Variants in TTC28 observed in about 807,000 individuals in gnomAD.
TTC28 encodes tetratricopeptide repeat protein 28.
Under a neutral mutation model 198.0 loss-of-function variants are expected in TTC28, and 61 were observed. The observed-to-expected ratio is 0.31, with a 90% CI of 0.25 to 0.38. The LOEUF is 0.38. Ranked by LOEUF, TTC28 falls within the 10% of genes least tolerant of loss-of-function variation. The pLI is 1.00. For missense variants in TTC28, 2,678 were observed against 3,164.0 expected (o/e 0.85, Z 3.69); for synonymous variants, 1,171 against 1,297.8 (o/e 0.90, Z 2.10).
Position 28,528,654 on chromosome 22 carries a change from T to A in TTC28, c.381+100898A>T, listed in dbSNP as rs1354342987. 2.0e-5 allele frequency among the ~76,000 whole-genome samples: 3 copies of A among 150,088 alleles called. No homozygotes were observed. In the Admixed American group the frequency reaches 2.0e-4, roughly 10 times the overall value. The stretch of plus-strand genomic sequence containing the variant: ...GGGAGGCCAAGGCACGAGAACTGCT[T>A]GAACCCAGGAAGCGGAGGTTACAGT... On this transcript the variant is annotated intron_variant, in intron 2 of 22. Transcript: ENST00000397906.
intron 3 of TTC28, among the ~76,000 whole-genome samples, chr22:28,304,114 T>G (rs2045084614): frequency 6.6e-6 from 1 of 151,962 alleles, no homozygotes; most frequent in South Asian, 2.1e-4. Flanking sequence ...TGAAACCCCG[T>G]CTCTACTAAA....
chr22:28,057,716 T>C (rs149652575), intron 12 of TTC28, among the ~76,000 whole-genome samples: 1 of 152,300 alleles, frequency 6.6e-6, no homozygotes, highest in East Asian at 1.9e-4. Flanking sequence ...TATAACAGTT[T>C]TATAGTTTTA....
intron 3 of TTC28, chr22:28,303,685 T>C (rs536891515): frequency 1.3e-5 from 2 of 152,396 alleles, no homozygotes; most frequent in Admixed American, 6.5e-5. Context: ...GTGCAGGTTA[T>C]GAGAGTTTTG....
intron 2 of TTC28, among the ~76,000 whole-genome samples, chr22:28,376,304 G>A (rs2046408097): frequency 6.6e-6 from 1 of 152,140 alleles, no homozygotes; most frequent in Admixed American, 6.5e-5. Flanking sequence ...AATATATTGA[G>A]CAACTAACAT....
At chr22:28,509,462 T>A (rs865879833) in intron 2 of TTC28, among the ~76,000 whole-genome samples, 1 of 152,068 alleles carries the variant, frequency 6.6e-6, no homozygotes, top group Non-Finnish European at 1.5e-5. Flanking sequence ...AAGAAAGAAA[T>A]CAAGAAGTTC....
At chr22:28,414,852 T>C (rs537705509) in intron 2 of TTC28, among the ~76,000 whole-genome samples, 1 of 152,340 alleles carries the variant, frequency 6.6e-6, no homozygotes, top group South Asian at 2.1e-4. Flanking sequence ...AGAACTATCA[T>C]CCTTTGAAAT....
In TTC28 at chr22:28,091,449, C is replaced by A. The variant is rs549286120; in HGVS notation, c.3932+2631G>T. Among the ~76,000 whole-genome samples the A allele has an allele frequency of 2.6e-5, 4 of 152,296 alleles. No homozygotes were observed. The South Asian group carries it at 8.3e-4, about 32-fold the overall frequency. On this transcript the variant is annotated intron_variant, in intron 12 of 22. Transcript: ENST00000397906. ...CCACATTGCCATAAGGGAGAGGCCA[C>A]CTTCACATATGCAGAGATTTCAAAT...
chr22:28,051,480 T>C (rs1569108242), intron 12 of TTC28, among the ~76,000 whole-genome samples: 1 of 152,228 alleles, frequency 6.6e-6, no homozygotes, highest in Admixed American at 6.5e-5. Flanking sequence ...TCTCTTTCTC[T>C]TTCTCTCAGC....
intron 13 of TTC28, among the ~76,000 whole-genome samples, chr22:28,022,505 C>T (rs977333313): frequency 6.6e-6 from 1 of 152,246 alleles, no homozygotes; most frequent in Admixed American, 6.5e-5. Flanking sequence ...CACTTGCTCA[C>T]CTGCTCACAC....
intron 12 of TTC28, among the ~76,000 whole-genome samples, chr22:28,059,148 G>A (rs1306135490): frequency 6.6e-6 from 1 of 151,490 alleles, no homozygotes; most frequent in Non-Finnish European, 1.5e-5. Flanking sequence ...TTAATTTTGG[G>A]TTTACATGCT....
intron 15 of TTC28, chr22:27,999,570 C>T: frequency 2.9e-6 from 1 of 342,668 alleles, no homozygotes. Flanking sequence ...CCAGGACAGC[C>T]AGCCTGCTCC....
At chr22:28,533,701 C>CCAAAACAGAGATATAGATCAATGGAA (rs1186097910) in intron 2 of TTC28, among the ~76,000 whole-genome samples, 2 of 152,092 alleles carry the variant, frequency 1.3e-5, no homozygotes, top group Admixed American at 1.3e-4. Flanking sequence ...GGTGCTGGTA[C>CCAAAACAGAGATATAGATCAATGGAA]CAAAACAGAG....
chr22:28,027,377 A>T (rs560013739), intron 13 of TTC28, among the ~76,000 whole-genome samples: 1 of 152,358 alleles, frequency 6.6e-6, no homozygotes, highest in Admixed American at 6.5e-5. Context: ...GCAAGAAGAA[A>T]AATAGTGATT....
intron 5 of TTC28, among the ~76,000 whole-genome samples, chr22:28,200,198 C>T (rs896628512): frequency 6.6e-6 from 1 of 152,050 alleles, no homozygotes; most frequent in Non-Finnish European, 1.5e-5. Context: ...AAGAAATCCT[C>T]CTTGCCTCAG....
chr22:28,237,521 C>G (rs1215499416), intron 5 of TTC28, among the ~76,000 whole-genome samples: 1 of 152,108 alleles, frequency 6.6e-6, no homozygotes, highest in South Asian at 2.1e-4. Flanking sequence ...ACGGTATGTA[C>G]TTTCATTTCT....
At chr22:28,441,665 C>G (rs959396752) in intron 2 of TTC28, among the ~76,000 whole-genome samples, 18 of 152,150 alleles carry the variant, frequency 1.2e-4, no homozygotes, top group Admixed American at 1.1e-3. Flanking sequence ...AATATCTTCT[C>G]ATGCACCTCA....
At chr22:27,985,951 G>T (rs1937199235) in intron 21 of TTC28, 2 of 154,136 alleles carry the variant, frequency 1.3e-5, no homozygotes, top group Admixed American at 1.3e-4. Flanking sequence ...CTCAGAGCAG[G>T]TGTAACACAG....
Position 27,983,638 on chromosome 22 carries a change from C to T in TTC28, c.6029G>A (p.Gly2010Asp). ...TCCGGGGCCTCCACCCTCTGATCCA[C>T]CCTCGGGTTTGGAGACAAAGCTCAT... is the stretch of plus-strand genomic sequence containing the variant. ...SSMSFVSKPE[G>D]GSEGGGPGGR... is the part of the protein sequence containing the mutation. The change falls in exon 23 of 23, where the codon GGT becomes GAT. Residue 2010 changes from glycine to aspartate, a missense_variant. Transcript: ENST00000397906. The T allele has an allele frequency of 6.5e-7, 1 of 1,543,512 alleles. No individual in the cohort carries two copies. Among genetic ancestry groups the T allele is most frequent in the East Asian group, 2.4e-5 (1 of 40,838 alleles).
chr22:28,467,938 T>G (rs1240678600), intron 2 of TTC28, among the ~76,000 whole-genome samples: 1 of 149,454 alleles, frequency 6.7e-6, no homozygotes, highest in Admixed American at 6.6e-5. Flanking sequence ...ATTTTTTTCT[T>G]TTTTTTTTCT....
Sources: gnomAD v4.1 joint callset for allele counts (sites outside exome capture counted in the v4.1 genomes callset) on GRCh38, gnomAD v4.1.1 for gene constraint, MANE v1.5 for transcripts, NCBI Gene and HGNC (gene_info 2026-07-23, HGNC 2026-07-21) for gene names.